AP2A2: variants seen among roughly 807,000 people sequenced by gnomAD.
AP2A2 encodes adaptor related protein complex 2 subunit alpha 2, also known as AP-2 complex subunit alpha-2.
AP2A2 carries 32 observed loss-of-function variants against 104.2 expected under a neutral mutation model. That is an observed-to-expected ratio of 0.31 (90% CI 0.23 to 0.41). The LOEUF (loss-of-function observed/expected upper bound fraction) is 0.41. Among genes scored for constraint, AP2A2 ranks in the 10% least tolerant of loss-of-function variants. The probability of loss-of-function intolerance (pLI) is 1.00; values close to 1 mark genes in which losing one functional copy is unlikely to be tolerated. For missense variants in AP2A2, 912 were observed against 1,261.0 expected, an observed-to-expected ratio of 0.72 and a Z score of 4.19; for synonymous variants, 539 against 533.3, an observed-to-expected ratio of 1.01 and a Z score of -0.15.
At chr11:990,132 G>A (rs1310335830) in intron 10 of AP2A2, among the ~76,000 whole-genome samples, 1 of 152,210 alleles carries the variant, frequency 6.6e-6, no homozygotes, top group Non-Finnish European at 1.5e-5. Context: ...CTGAGCTTCA[G>A]TGAGGCACTG....
At chr11:988,181 T>C (rs1855526755) in intron 9 of AP2A2, among the ~76,000 whole-genome samples, 1 of 152,212 alleles carries the variant, frequency 6.6e-6, no homozygotes, top group Non-Finnish European at 1.5e-5. Context: ...CAGCTCCGTG[T>C]CCGAGGCAGT....
intron 16 of AP2A2, among the ~76,000 whole-genome samples, chr11:1,004,637 G>A (rs1057361758): frequency 4.0e-5 from 6 of 151,822 alleles, no homozygotes; most frequent in East Asian, 1.9e-4. Context: ...TTAGGTAGAC[G>A]TGCTGGTGCA....
intron 5 of AP2A2, among the ~76,000 whole-genome samples, chr11:980,636 G>A (rs1855204903): frequency 1.3e-5 from 2 of 152,344 alleles, no homozygotes; most frequent in African/African-American, 2.4e-5. Context: ...AGGAGGAGCG[G>A]GGAGGGAGGA....
chr11:974,269 G>A (rs1305066607), intron 4 of AP2A2, among the ~76,000 whole-genome samples: 2 of 149,848 alleles, frequency 1.3e-5, no homozygotes, highest in Non-Finnish European at 2.9e-5. Flanking sequence ...TGGTCCCATG[G>A]GGATGAAGGT....
chr11:994,323 T>A, intron 14 of AP2A2, 78 bp downstream of exon 14: 1 of 1,555,472 alleles, frequency 6.4e-7, no homozygotes, highest in Non-Finnish European at 8.7e-7. Context: ...AGCATTTGCC[T>A]GTCAGGGAGG....
rs1457588356 is a variant in AP2A2, at chr11:1,000,428, C to T, written c.1957-4C>T. ...TGCTGATGCTCTCCTTCCTTCTCTTCCAGTCTACGCCTTCTCCGTCGGCAG... is the reference window on the plus strand; with the variant it reads ...TGCTGATGCTCTCCTTCCTTCTCTTTCAGTCTACGCCTTCTCCGTCGGCAG... On this transcript the variant is annotated splice_polypyrimidine_tract_variant and splice_region_variant and intron_variant, in intron 14 of 21. Transcript: ENST00000448903. 2 of 1,544,226 alleles carry T rather than the reference C, an allele frequency of 1.3e-6. No homozygotes were observed. Among genetic ancestry groups the T allele is most frequent in the Middle Eastern group, 2.0e-4 (1 of 4,926 alleles).
intron 4 of AP2A2, 109 bp downstream of exon 4, chr11:972,364 T>G (rs1406636844): frequency 2.5e-6 from 3 of 1,192,974 alleles, no homozygotes; most frequent in East Asian, 5.1e-5. Context: ...CTCCCCATCT[T>G]ATGGGAGATG....
intron 15 of AP2A2, among the ~76,000 whole-genome samples, chr11:1,002,278 C>G (rs548368295): frequency 6.6e-6 from 1 of 152,224 alleles, no homozygotes; most frequent in Admixed American, 6.5e-5. Context: ...AGCAGCGACC[C>G]GGGGGTGCGG....
At chr11:972,282 C>T (rs776886746) in intron 4 of AP2A2, 27 bp downstream of exon 4, 8 of 1,543,138 alleles carry the variant, frequency 5.2e-6, no homozygotes, top group South Asian at 2.4e-5. Flanking sequence ...TGCCGGGCTC[C>T]TGCTGAAGAT....
chr11:1,003,182 C>T (rs912456444), intron 15 of AP2A2, among the ~76,000 whole-genome samples: 8 of 152,214 alleles, frequency 5.3e-5, no homozygotes, highest in East Asian at 3.9e-4. Flanking sequence ...GCTCCCTGTG[C>T]GGTGTAGACA....
intron 1 of AP2A2, among the ~76,000 whole-genome samples, chr11:930,399 C>T (rs953956993): frequency 4.6e-5 from 7 of 152,088 alleles, no homozygotes; most frequent in Non-Finnish European, 8.8e-5. Flanking sequence ...TTCTGATTGA[C>T]GTCAACCCAG....
chr11:960,555 T>A (rs1264344905), intron 2 of AP2A2, among the ~76,000 whole-genome samples: 1 of 151,988 alleles, frequency 6.6e-6, no homozygotes, highest in Non-Finnish European at 1.5e-5. Flanking sequence ...TTTTTGTACT[T>A]TTAGTAGAGA....
At chr11:1,008,777 T>C in intron 18 of AP2A2, 2 of 400,954 alleles carry the variant, frequency 5.0e-6, no homozygotes, top group Non-Finnish European at 8.9e-6. Context: ...TGTTTCATTC[T>C]TTGTGCAAAT....
chr11:966,902 C>T (rs537951988), intron 2 of AP2A2, among the ~76,000 whole-genome samples: 1 of 152,294 alleles, frequency 6.6e-6, no homozygotes, highest in South Asian at 2.1e-4. Context: ...GGCGTGGTGG[C>T]TCACGCCTGT....
At chr11:997,650 A>AT (rs1374498405) in intron 14 of AP2A2, among the ~76,000 whole-genome samples, 3 of 152,238 alleles carry the variant, frequency 2.0e-5, no homozygotes, top group African/African-American at 7.2e-5. Context: ...CACACCTGTA[A>AT]TCCCAGCGCT....
intron 1 of AP2A2, among the ~76,000 whole-genome samples, chr11:939,596 C>G (rs1853576186): frequency 6.6e-6 from 1 of 151,956 alleles, no homozygotes. Context: ...AGGAGCCTGC[C>G]ACACTCCCGG....
intron 2 of AP2A2, among the ~76,000 whole-genome samples, chr11:964,882 C>T (rs1854563369): frequency 1.6e-5 from 2 of 126,692 alleles, no homozygotes; most frequent in Admixed American, 8.8e-5. Flanking sequence ...AAGCATGGAA[C>T]GGGCGGGAAA....
intron 1 of AP2A2, chr11:932,693 G>A (rs1352432344): frequency 6.6e-6 from 3 of 456,060 alleles, no homozygotes; most frequent in African/African-American, 6.0e-5. Flanking sequence ...TGCTCGGGTT[G>A]AATTTTTCTT....
intron 6 of AP2A2, among the ~76,000 whole-genome samples, chr11:982,812 T>TG (rs1220443715): frequency 6.7e-6 from 1 of 150,018 alleles, no homozygotes; most frequent in Non-Finnish European, 1.5e-5. Context: ...CCAGCACGCC[T>TG]GGCTAATTTT....
Sources: allele counts gnomAD v4.1 joint callset (sites outside exome capture counted in the v4.1 genomes callset), GRCh38; gene constraint gnomAD v4.1.1; transcripts MANE v1.5; gene names NCBI Gene and HGNC (gene_info 2026-07-23, HGNC 2026-07-21).